Variants in INPP5K observed in about 807,000 individuals in gnomAD.
The protein encoded by INPP5K is inositol polyphosphate-5-phosphatase K.
A neutral mutation model predicts 53.5 loss-of-function variants in INPP5K; 35 were observed. The ratio of observed to expected loss-of-function variants is 0.65; its 90% CI spans 0.50 to 0.87. The LOEUF is 0.87. Among genes scored for constraint, INPP5K ranks in the 40% least tolerant of loss-of-function variants. The probability of loss-of-function intolerance (pLI) is 0.00; values close to 1 mark genes in which losing one functional copy is unlikely to be tolerated. For missense variants in INPP5K, 550 were observed against 586.2 expected, an observed-to-expected ratio of 0.94 and a Z score of 0.64; for synonymous variants, 253 against 232.8, an observed-to-expected ratio of 1.09 and a Z score of -0.79.
At chr17:1,510,225 T>C (rs575161574) in intron 3 of INPP5K, among the ~76,000 whole-genome samples, 10 of 150,612 alleles carry the variant, frequency 6.6e-5, no homozygotes, top group African/African-American at 2.4e-4. Flanking sequence ...TTCAGCATTC[T>C]TTTTTTTTTG....
chr17:1,516,416 C>G, intron 1 of INPP5K, 40 bp downstream of exon 1: 1 of 1,570,898 alleles, frequency 6.4e-7, no homozygotes, highest in South Asian at 1.1e-5. Context: ...GGCGCCGATC[C>G]CCCCGAGCAG....
intron 3 of INPP5K, among the ~76,000 whole-genome samples, chr17:1,513,048 T>G (rs1455087367): frequency 6.6e-6 from 1 of 152,214 alleles, no homozygotes; most frequent in Non-Finnish European, 1.5e-5. Context: ...ATATATACTA[T>G]AAAGAGCTAC....
At chr17:1,501,389 T>G (rs761323509) in intron 7 of INPP5K, among the ~76,000 whole-genome samples, 3 of 152,124 alleles carry the variant, frequency 2.0e-5, no homozygotes, top group African/African-American at 7.2e-5. Flanking sequence ...CAGAGACCAG[T>G]TGGGGGAAGG....
Position 1,516,484 on chromosome 17 carries a change from G to C in INPP5K, c.16C>G (p.Leu6Val). MSSRK[L>V]SGPKGRRLSI... is the part of the protein sequence containing the mutation. ...AGCCTCCTGCCTTTCGGCCCGCTCAGCTTCCGCGAGCTCATGGCCGCCGTC... is the reference window on the plus strand; with the variant it reads ...AGCCTCCTGCCTTTCGGCCCGCTCACCTTCCGCGAGCTCATGGCCGCCGTC... Residue 6 changes from leucine (L) to valine (V), a missense_variant, in exon 1 of 12, where the codon CTG becomes GTG. Leu to Val is a conservative substitution (Grantham distance 32). Coordinates refer to ENST00000421807, the MANE Select transcript of INPP5K (RefSeq NM_016532.4). 1.3e-6 allele frequency: 2 copies of C among 1,587,018 alleles called. No homozygotes were observed. The highest frequency in any genetic ancestry group is 1.7e-6 in the Non-Finnish European group (2 of 1,175,316).
rs945217492 is a variant in INPP5K at position 1,513,766 on chromosome 17, G to A, written c.152+106C>T. On this transcript the variant is annotated intron_variant, in intron 2 of 11. Transcript: ENST00000421807. ...GGACTGTCCCTGAAGCAGGCTGAAAGCTCCCAGCCTTCAGACTCCAGAGCG... is the reference window on the plus strand; with the variant it reads ...GGACTGTCCCTGAAGCAGGCTGAAAACTCCCAGCCTTCAGACTCCAGAGCG... 8.8e-5 allele frequency: 86 copies of A among 979,094 alleles called. 3 individuals carry two copies. The highest frequency in any genetic ancestry group is 3.2e-4 in the East Asian group (13 of 40,362). 60.7% of individuals were successfully genotyped at this position (979,094 alleles called of 1,614,324 possible).
Position 1,495,766 on chromosome 17 carries a change from A to G in INPP5K, c.*57T>C. Reference sequence around the variant, plus strand: ...GGGCCCCCAGCACTCCCGGCAGTGGAAAGGCAGAGCTGGCTGCCAGCTCTG... The same window carrying G: ...GGGCCCCCAGCACTCCCGGCAGTGGGAAGGCAGAGCTGGCTGCCAGCTCTG... On this transcript the variant is annotated 3_prime_UTR_variant, in exon 12 of 12. Coordinates refer to ENST00000421807, the MANE Select transcript of INPP5K (RefSeq NM_016532.4). 7.4e-7 allele frequency: 1 copy of G among 1,349,430 alleles called. No individual in the cohort carries two copies. The highest frequency in any genetic ancestry group is 1.2e-5 in the South Asian group (1 of 83,750). 83.6% of individuals were successfully genotyped at this position (1,349,430 alleles called of 1,614,324 possible).
In INPP5K at chr17:1,503,201, T is replaced by C. The variant is rs529032446; in HGVS notation, c.776+3779A>G. On this transcript the variant is annotated intron_variant, in intron 7 of 11. Transcript: ENST00000421807. Reference sequence around the variant, plus strand: ...ACGCCTGGCCTTTTTTTTTTTTTTTTGAGACGAAGTCTCGCTCTGTCACTC... The same window carrying C: ...ACGCCTGGCCTTTTTTTTTTTTTTTCGAGACGAAGTCTCGCTCTGTCACTC... Among the ~76,000 whole-genome samples, 7 of 140,238 alleles carry C rather than the reference T, an allele frequency of 5.0e-5. No individual in the cohort carries two copies. In the East Asian group the frequency reaches 1.5e-3, roughly 30 times the overall value. The allele number at this position is 140,238 out of a possible 152,430, so 92.0% of individuals were successfully genotyped here.
chr17:1,503,626 G>A (rs528303062), intron 7 of INPP5K, among the ~76,000 whole-genome samples: 2 of 152,174 alleles, frequency 1.3e-5, no homozygotes, highest in East Asian at 1.9e-4. Flanking sequence ...TGAGGCAGGC[G>A]AGAATCACTT....
chr17:1,508,313 G>A, intron 5 of INPP5K, 87 bp from the exon 6 acceptor site: 1 of 977,296 alleles, frequency 1.0e-6, no homozygotes, highest in Non-Finnish European at 1.7e-6. Flanking sequence ...CTCAACCCAA[G>A]GGCTGCTGGG....
chr17:1,513,595 C>A (rs373954180), intron 2 of INPP5K, 34 bp from the exon 3 acceptor site: 17 of 1,558,982 alleles, frequency 1.1e-5, no homozygotes, highest in Admixed American at 1.7e-5. Flanking sequence ...TGGCCCCTGG[C>A]CTCCAGGCTA....
intron 1 of INPP5K, 139 bp from the exon 2 acceptor site, chr17:1,514,118 T>C: frequency 2.1e-6 from 1 of 477,850 alleles, no homozygotes; most frequent in Admixed American, 3.8e-5. Flanking sequence ...AGGTCGGGAG[T>C]TCGAGACAAG....
intron 7 of INPP5K, among the ~76,000 whole-genome samples, chr17:1,503,856 A>AT (rs2075093849): frequency 6.6e-6 from 1 of 152,054 alleles, no homozygotes; most frequent in Admixed American, 6.5e-5. Context: ...CTCGTTTCTC[A>AT]TTACATCTTG....
chr17:1,499,572 T>C (rs2074952786), intron 7 of INPP5K, among the ~76,000 whole-genome samples: 1 of 152,168 alleles, frequency 6.6e-6, no homozygotes, highest in Non-Finnish European at 1.5e-5. Flanking sequence ...GAAAAGGTAA[T>C]ACGCTCCGGA....
chr17:1,507,662 TCCC>T (rs200071804), intron 6 of INPP5K: 7,826 of 157,562 alleles, frequency 0.05, 239 homozygotes, highest in Non-Finnish European at 0.073. Context: ...TACCTCAGCC[TCCC>T]GAGTAGCTGG....
chr17:1,496,950 A>C, intron 8 of INPP5K, 147 bp from the exon 9 acceptor site: 1 of 767,936 alleles, frequency 1.3e-6, no homozygotes, highest in Non-Finnish European at 2.1e-6. Flanking sequence ...GGCTGCTCCA[A>C]CGGACCTTGG....
At chr17:1,511,225 C>T (rs1055460583) in intron 3 of INPP5K, among the ~76,000 whole-genome samples, 1 of 152,134 alleles carries the variant, frequency 6.6e-6, no homozygotes, top group African/African-American at 2.4e-5. Context: ...GAATCACCGT[C>T]CCTGTTTTGT....
chr17:1,502,835 C>T (rs949102804), intron 7 of INPP5K, among the ~76,000 whole-genome samples: 1 of 152,002 alleles, frequency 6.6e-6, no homozygotes, highest in Non-Finnish European at 1.5e-5. Context: ...CTCAAATGAT[C>T]CTCCTGCCTC....
intron 8 of INPP5K, among the ~76,000 whole-genome samples, chr17:1,497,598 G>A (rs939562): frequency 0.62 from 94,074 of 152,056 alleles, 29,744 homozygotes; most frequent in Non-Finnish European, 0.7. Flanking sequence ...TGGAGGGAGC[G>A]CCCGTTGCAA....
intron 7 of INPP5K, among the ~76,000 whole-genome samples, chr17:1,500,937 G>A (rs911724638): frequency 4.8e-5 from 7 of 146,672 alleles, no homozygotes; most frequent in African/African-American, 1.8e-4. Flanking sequence ...CACTATTTTT[G>A]TCTCCTTCTT....
Sources: allele counts gnomAD v4.1 joint callset (sites outside exome capture counted in the v4.1 genomes callset), GRCh38; gene constraint gnomAD v4.1.1; transcripts MANE v1.5; gene names NCBI Gene and HGNC (gene_info 2026-07-23, HGNC 2026-07-21).